Variants in IL18R1 observed in about 807,000 individuals in gnomAD.
IL18R1 encodes interleukin-18 receptor 1.
In IL18R1, 40 loss-of-function variants were observed where a neutral mutation model predicts 48.5. The ratio of observed to expected loss-of-function variants is 0.82; its 90% CI spans 0.64 to 1.07. The LOEUF (loss-of-function observed/expected upper bound fraction) is 1.07, where lower values mean the gene tolerates loss of function less well. Ranked by LOEUF, IL18R1 falls within the 50% of genes least tolerant of loss-of-function variation. IL18R1 has a pLI of 0.00. For missense variants in IL18R1, 596 were observed against 633.7 expected, an observed-to-expected ratio of 0.94 and a Z score of 0.64; for synonymous variants, 232 against 225.9, an observed-to-expected ratio of 1.03 and a Z score of -0.24.
At chr2:102,357,498 A>AC (rs1173490292) in intron 1 of IL18R1, among the ~76,000 whole-genome samples, 1 of 151,346 alleles carries the variant, frequency 6.6e-6, no homozygotes, top group Non-Finnish European at 1.5e-5. Context: ...CTCAAAAAAA[A>AC]AAAAGAAAAA....
intron 9 of IL18R1, among the ~76,000 whole-genome samples, chr2:102,390,734 C>G (rs1289835458): frequency 6.6e-6 from 1 of 151,860 alleles, no homozygotes; most frequent in East Asian, 1.9e-4. Flanking sequence ...GAGATCGAGA[C>G]CATCCTGGCT....
chr2:102,398,355 G>A lies in IL18R1; in HGVS notation c.*1469G>A, dbSNP rs144542313. The A allele has an allele frequency of 4.9e-3, 744 of 152,436 alleles. 6 individuals carry two copies. Among genetic ancestry groups the A allele is most frequent in the Non-Finnish European group, 5.9e-3 (398 of 68,026 alleles). The allele number at this position is 152,436 out of a possible 1,614,324, so 9.4% of individuals were successfully genotyped here. ...TCGGAAGGCTGGTTAGAACATGTGG[G>A]AGCAACATGAATGTTCTACAAAAGT... On this transcript the variant is annotated 3_prime_UTR_variant, in exon 11 of 11. Transcript: ENST00000233957.
At position 102,387,016 on chromosome 2, in the gene IL18R1, T is replaced by A; in HGVS notation, c.949+16T>A. On this transcript the variant is annotated intron_variant, in intron 8 of 10. Transcript: ENST00000233957. ...GTGAGAAAAGGTGAGAAAGATTTAT[T>A]TTTGGAAGTTTTGAAACTTAGCTCA... The A allele has an allele frequency of 1.9e-6, 3 of 1,607,408 alleles. No homozygotes were observed. The highest frequency in any genetic ancestry group is 2.5e-6 in the Non-Finnish European group (3 of 1,178,180).
chr2:102,396,239 G>T (rs1297411698), intron 10 of IL18R1, among the ~76,000 whole-genome samples: 3 of 152,060 alleles, frequency 2.0e-5, no homozygotes, highest in African/African-American at 7.2e-5. Flanking sequence ...TTAAATGGAG[G>T]TGATAACAGT....
intron 10 of IL18R1, among the ~76,000 whole-genome samples, chr2:102,396,143 G>T (rs1262916765): frequency 6.6e-5 from 10 of 152,018 alleles, no homozygotes; most frequent in Non-Finnish European, 1.5e-4. Flanking sequence ...TATTCCACTT[G>T]GGTTTAGATT....
intron 2 of IL18R1, among the ~76,000 whole-genome samples, chr2:102,366,651 T>A (rs1388933676): frequency 6.6e-6 from 1 of 152,054 alleles, no homozygotes; most frequent in African/African-American, 2.4e-5. Flanking sequence ...TGAGACCAGG[T>A]AATATATAAA....
rs1487556700 is a variant in IL18R1 at position 102,356,110 on chromosome 2, G to C, written c.-319G>C. 1 of 154,724 alleles carries C rather than the reference G, an allele frequency of 6.5e-6. No homozygotes were observed. Among genetic ancestry groups the C allele is most frequent in the African/African-American group, 2.4e-5 (1 of 41,452 alleles). 9.6% of individuals were successfully genotyped at this position (154,724 alleles called of 1,614,324 possible). A position where few individuals can be genotyped will look rare whatever the true frequency, so the allele number is the denominator to read the frequency against. On this transcript the variant is annotated 5_prime_UTR_variant, in exon 1 of 11. Transcript: ENST00000233957. ...CCGGAGCTTCGCCCGACCGCGGGCAGTGCCCACCTGCAGCCTCCACCGGCC... is the reference window on the plus strand; with the variant it reads ...CCGGAGCTTCGCCCGACCGCGGGCACTGCCCACCTGCAGCCTCCACCGGCC...
chr2:102,391,574 T>C (rs1296763001), intron 9 of IL18R1, among the ~76,000 whole-genome samples: 1 of 152,226 alleles, frequency 6.6e-6, no homozygotes, highest in African/African-American at 2.4e-5. Flanking sequence ...TCGTTTCATA[T>C]GTATGCAGTA....
At chr2:102,376,811 C>G (rs1326539681) in intron 5 of IL18R1, among the ~76,000 whole-genome samples, 3 of 152,248 alleles carry the variant, frequency 2.0e-5, no homozygotes, top group East Asian at 1.9e-4. Flanking sequence ...AATGATTGAT[C>G]ATCCAGTCCC....
At chr2:102,369,762 G>A (rs3771166) in intron 3 of IL18R1, among the ~76,000 whole-genome samples, 66,801 of 152,054 alleles carry the variant, frequency 0.44, 16,448 homozygotes, top group African/African-American at 0.66. Flanking sequence ...AAAATTTCCC[G>A]TTAGAACAGT....
At chr2:102,387,519 G>T (rs1039409116) in intron 8 of IL18R1, among the ~76,000 whole-genome samples, 1 of 152,202 alleles carries the variant, frequency 6.6e-6, no homozygotes, top group Non-Finnish European at 1.5e-5. Flanking sequence ...GTTTTTCAGT[G>T]CTCACCTGAT....
chr2:102,375,976 CA>C lies in IL18R1; in HGVS notation c.539del (p.Gln180ArgfsTer25). On this transcript the variant is annotated frameshift_variant, in exon 5 of 11. Coordinates refer to ENST00000233957, the MANE Select transcript of IL18R1 (RefSeq NM_003855.5). LOFTEE classifies it high-confidence loss of function. ...TIKKNAEFED[Q>X]GYYSCVHFLH... ...AAAGAAGAACGCCGAGTTTGAAGAT[CA>C]GGGGTATTACTCCTGCGTGCATTTC... 1 of 1,608,370 alleles carries C rather than the reference CA, an allele frequency of 6.2e-7. No individual in the cohort carries two copies. The highest frequency in any genetic ancestry group is 8.5e-7 in the Non-Finnish European group (1 of 1,177,876).
In IL18R1 at chr2:102,396,917, T is replaced by G; in HGVS notation, c.*31T>G. 1.5e-6 allele frequency: 2 copies of G among 1,358,678 alleles called. No homozygotes were observed. Among genetic ancestry groups the G allele is most frequent in the Non-Finnish European group, 2.0e-6 (2 of 982,876 alleles). 84.2% of individuals were successfully genotyped at this position (1,358,678 alleles called of 1,614,324 possible). On this transcript the variant is annotated 3_prime_UTR_variant, in exon 11 of 11. Transcript: ENST00000233957. ...AGAAACAGTGAACGCCAAAAAGAAC[T>G]CAAGATATTCTGGGGACTGAGCATA...
chr2:102,360,294 T>C (rs1678497018), intron 1 of IL18R1, among the ~76,000 whole-genome samples: 1 of 152,204 alleles, frequency 6.6e-6, no homozygotes, highest in Non-Finnish European at 1.5e-5. Context: ...GAAGGAGTCT[T>C]GCTCTGTCAC....
At chr2:102,364,994 T>C (rs1180706654) in intron 2 of IL18R1, among the ~76,000 whole-genome samples, 1 of 152,154 alleles carries the variant, frequency 6.6e-6, no homozygotes. Context: ...ATGGGGCTTA[T>C]GGGAACTACA....
Position 102,396,835 on chromosome 2 carries a change from C to A in IL18R1, c.1575C>A (p.Val525=), listed in dbSNP as rs1264648303. ...TTTACTTAATGCCTGCAAAAACAGT[C>A]AAGCCAGGTAGAGACGAACCGGAAG... The part of the protein sequence containing the change: ...NLLYLMPAKT[V]KPGRDEPEVL... Residue 525 remains valine, a synonymous_variant, in exon 11 of 11, where the codon GTC becomes GTA. Coordinates refer to ENST00000233957, the MANE Select transcript of IL18R1 (RefSeq NM_003855.5). 1 of 1,610,956 alleles carries A rather than the reference C, an allele frequency of 6.2e-7. No homozygotes were observed. The highest frequency in any genetic ancestry group is 8.5e-7 in the Non-Finnish European group (1 of 1,179,200).
chr2:102,384,086 A>G (rs1680081011), intron 6 of IL18R1, among the ~76,000 whole-genome samples: 1 of 152,200 alleles, frequency 6.6e-6, no homozygotes, highest in Non-Finnish European at 1.5e-5. Context: ...AGGTAGCCTG[A>G]GAGTTGAGTA....
chr2:102,394,487 C>A lies in IL18R1; in HGVS notation c.1130C>A (p.Ala377Asp). ...ETLTDGKTYD[A>D]FVSYLKECRP... ...CTCCTAGATGGAAAAACATATGATG[C>A]TTTTGTGTCTTACCTAAAAGAATGC... Residue 377 changes from alanine to aspartate, a missense_variant, in exon 10 of 11, where the codon GCT becomes GAT. By Grantham distance (126) the Ala-to-Asp change is moderately radical (BLOSUM62 -2). Coordinates refer to ENST00000233957, the MANE Select transcript of IL18R1 (RefSeq NM_003855.5). 6.2e-7 allele frequency: 1 copy of A among 1,611,244 alleles called. No individual in the cohort carries two copies. The highest frequency in any genetic ancestry group is 8.5e-7 in the Non-Finnish European group (1 of 1,178,260).
At chr2:102,373,929 AC>A in intron 4 of IL18R1, 2 of 439,126 alleles carry the variant, frequency 4.6e-6, no homozygotes, top group Non-Finnish European at 4.6e-6. Context: ...GTCTCCCATC[AC>A]CCCCAGATAG....
Sources: allele counts gnomAD v4.1 joint callset (sites outside exome capture counted in the v4.1 genomes callset), GRCh38; gene constraint gnomAD v4.1.1; transcripts MANE v1.5; gene names NCBI Gene and HGNC (gene_info 2026-07-23, HGNC 2026-07-21).